The following KLHL14 variants were observed in gnomAD, a reference collection of about 807,000 sequenced individuals.
The protein encoded by KLHL14 is kelch like family member 14, also known as kelch-like protein 14.
Under a neutral mutation model 64.3 loss-of-function variants are expected in KLHL14, and 22 were observed. That is an observed-to-expected ratio of 0.34 (90% CI 0.24 to 0.49). The LOEUF is 0.49. Ranked by LOEUF, KLHL14 falls within the 20% of genes least tolerant of loss-of-function variation. The pLI is 0.99. For synonymous variants in KLHL14, 322 were observed against 333.4 expected (o/e 0.97, Z 0.37); for missense variants, 661 against 789.0 (o/e 0.84, Z 1.94).
At chr18:32,728,072 AAT>A (rs1407936555) in intron 3 of KLHL14, among the ~76,000 whole-genome samples, 1 of 152,220 alleles carries the variant, frequency 6.6e-6, no homozygotes, top group Non-Finnish European at 1.5e-5. Context: ...ATCTTCAATT[AAT>A]AACAAAGAGG....
At chr18:32,729,488 T>C (rs536918524) in intron 3 of KLHL14, among the ~76,000 whole-genome samples, 25 of 152,338 alleles carry the variant, frequency 1.6e-4, no homozygotes, top group African/African-American at 5.8e-4. Flanking sequence ...TAGCCTGTGC[T>C]AGATGATATT....
At chr18:32,754,016 C>A (rs2050269512) in intron 2 of KLHL14, among the ~76,000 whole-genome samples, 1 of 152,232 alleles carries the variant, frequency 6.6e-6, no homozygotes, top group African/African-American at 2.4e-5. Flanking sequence ...GATGCAGGGT[C>A]CTGCTGCTCT....
At chr18:32,769,503 G>T in intron 2 of KLHL14, 142 bp downstream of exon 2, 1 of 766,734 alleles carries the variant, frequency 1.3e-6, no homozygotes, top group Non-Finnish European at 2.0e-6. Context: ...CACACACTCT[G>T]AATTGTTTGC....
intron 2 of KLHL14, among the ~76,000 whole-genome samples, chr18:32,758,223 A>C (rs2050293024): frequency 6.6e-6 from 1 of 152,096 alleles, no homozygotes. Context: ...CCTGGGTTCA[A>C]GCAGTTTTCC....
chr18:32,749,445 A>G (rs2050240675), intron 2 of KLHL14, among the ~76,000 whole-genome samples: 1 of 152,188 alleles, frequency 6.6e-6, no homozygotes, highest in African/African-American at 2.4e-5. Flanking sequence ...ATCCTCTTAC[A>G]AGAATGTTGT....
At position 32,752,032 on chromosome 18, in the gene KLHL14, C is replaced by T. The variant is rs372036314; in HGVS notation, c.948-9983G>A. On this transcript the variant is annotated intron_variant, in intron 2 of 8. Transcript: ENST00000359358. ...ATCCCAGCTACTCAGGAGGCTGAGG[C>T]GGGAGAATCACTTGAACTTGGGAGG... 1.2e-4 allele frequency among the ~76,000 whole-genome samples: 18 copies of T among 152,138 alleles called. 1 individual carries two copies. Among genetic ancestry groups the T allele is most frequent in the Admixed American group, 4.6e-4 (7 of 15,276 alleles).
chr18:32,684,033 T>C (rs964365100), intron 5 of KLHL14, among the ~76,000 whole-genome samples: 2 of 152,210 alleles, frequency 1.3e-5, no homozygotes, highest in African/African-American at 2.4e-5. Context: ...CTTTTTCTTT[T>C]TCTATTTTTT....
chr18:32,759,314 G>C (rs2050301602), intron 2 of KLHL14, among the ~76,000 whole-genome samples: 1 of 152,180 alleles, frequency 6.6e-6, no homozygotes, highest in South Asian at 2.1e-4. Context: ...TATCAGAATA[G>C]TGTCAATACT....
intron 2 of KLHL14, among the ~76,000 whole-genome samples, chr18:32,763,151 T>C (rs1430959066): frequency 2.6e-5 from 4 of 152,020 alleles, no homozygotes; most frequent in African/African-American, 9.7e-5. Flanking sequence ...TTCTTATTTT[T>C]CTTTCTTTTC....
chr18:32,749,482 TAATAGCA>T (rs1420837274), intron 2 of KLHL14, among the ~76,000 whole-genome samples: 1 of 152,160 alleles, frequency 6.6e-6, no homozygotes, highest in Non-Finnish European at 1.5e-5. Flanking sequence ...CATTTAGGTG[TAATAGCA>T]AAATAAATGC....
Position 32,770,577 on chromosome 18 carries a change from C to G in KLHL14, c.15G>C (p.Gly5=). The G allele has an allele frequency of 6.3e-7, 1 of 1,582,422 alleles. No individual in the cohort carries two copies. Among genetic ancestry groups the G allele is most frequent in the Non-Finnish European group, 8.6e-7 (1 of 1,169,000 alleles). The change falls in exon 2 of 9, where the codon GGG becomes GGC. Residue 5 remains glycine (G), a synonymous_variant. Transcript: ENST00000359358. The surrounding 1 kb of genome is among the most constrained non-coding windows in gnomAD (Gnocchi z 6.7). The part of the protein sequence containing the change: MSRS[G]DRTSTFDPSH... ...TGGGGTCGAAGGTGGAGGTCCTGTCCCCGGATCTGGACATGGCGAGCTGAC... is the reference window on the plus strand; with the variant it reads ...TGGGGTCGAAGGTGGAGGTCCTGTCGCCGGATCTGGACATGGCGAGCTGAC...
intron 3 of KLHL14, among the ~76,000 whole-genome samples, chr18:32,729,997 C>A (rs534760823): frequency 6.6e-6 from 1 of 152,196 alleles, no homozygotes; most frequent in Non-Finnish European, 1.5e-5. Flanking sequence ...CAGCTGCATA[C>A]GAGGCAGGTC....
chr18:32,745,308 T>A (rs752667891), intron 2 of KLHL14: 6 of 152,224 alleles, frequency 3.9e-5, no homozygotes, highest in African/African-American at 1.4e-4. Flanking sequence ...CTCTACTTTG[T>A]GAAGATGAAC....
chr18:32,703,090 T>C (rs1452487744), intron 3 of KLHL14, among the ~76,000 whole-genome samples: 22 of 152,176 alleles, frequency 1.4e-4, no homozygotes, highest in Admixed American at 1.4e-3. Context: ...TGAAACAGTG[T>C]ATTAAAAGGC....
At position 32,672,733 on chromosome 18, in the gene KLHL14, C is replaced by A. The variant is rs2049790906; in HGVS notation, c.*1924G>T. 1 of 152,614 alleles carries A rather than the reference C, an allele frequency of 6.6e-6. No individual in the cohort carries two copies. 9.5% of individuals were successfully genotyped at this position (152,614 alleles called of 1,614,324 possible). A position where few individuals can be genotyped will look rare whatever the true frequency, so the allele number is the denominator to read the frequency against. ...TCCAAGCAAGCTTCATTTACACATT[C>A]TAATACTGTACAAAATTTACATTCT... On this transcript the variant is annotated 3_prime_UTR_variant, in exon 9 of 9. Transcript: ENST00000359358.
rs143351945 is a variant in KLHL14, at chr18:32,741,167, C to T, written c.1069+761G>A. Among the ~76,000 whole-genome samples, 407 of 152,244 alleles carry T rather than the reference C, an allele frequency of 2.7e-3. 4 individuals are homozygous for T. Among genetic ancestry groups the T allele is most frequent in the African/African-American group, 9.5e-3 (395 of 41,534 alleles). On this transcript the variant is annotated intron_variant, in intron 3 of 8. Transcript: ENST00000359358. ...GACAGTTAAAATTTAGTTTTATTGA[C>T]CAGTGCAGCCACTGTGCCCACGAGG... is the stretch of plus-strand genomic sequence containing the variant.
At chr18:32,693,406 A>ACG (rs2049919760) in intron 4 of KLHL14, among the ~76,000 whole-genome samples, 1 of 122,688 alleles carries the variant, frequency 8.2e-6, no homozygotes, top group African/African-American at 3.0e-5. Context: ...ACACACACAC[A>ACG]CACACACAGA....
At position 32,769,746 on chromosome 18, in the gene KLHL14, A is replaced by G; in HGVS notation, c.846T>C (p.Asp282=). 6.2e-7 allele frequency: 1 copy of G among 1,603,182 alleles called. No homozygotes were observed. The highest frequency in any genetic ancestry group is 8.5e-7 in the Non-Finnish European group (1 of 1,173,210). The part of the protein sequence containing the change: ...PELVERVQSV[D]FMRTDPVCQK... ...GGCAGACCGGGTCGGTTCGCATGAA[A>G]TCCACTGACTGGACCCGCTCCACCA... Residue 282 remains aspartate, a synonymous_variant, in exon 2 of 9, where the codon GAT becomes GAC. Transcript: ENST00000359358.
chr18:32,715,273 A>G, intron 3 of KLHL14, among the ~76,000 whole-genome samples: 1 of 152,180 alleles, frequency 6.6e-6, no homozygotes, highest in East Asian at 1.9e-4. Context: ...CCATGTTTCA[A>G]TATAAACTTA....
Sources: allele counts gnomAD v4.1 joint callset (sites outside exome capture counted in the v4.1 genomes callset), GRCh38; gene constraint gnomAD v4.1.1; non-coding constraint Gnocchi (gnomAD v3.1); transcripts MANE v1.5; gene names NCBI Gene and HGNC (gene_info 2026-07-23, HGNC 2026-07-21).